Variants in MAGEC3 observed in about 807,000 individuals in gnomAD.
MAGEC3 encodes MAGE family member C3, also known as melanoma-associated antigen C3.
A neutral mutation model predicts 35.3 loss-of-function variants in MAGEC3; 34 were observed. That is an observed-to-expected ratio of 0.96 (90% confidence interval 0.73 to 1.28). The LOEUF is 1.28. Ranked by LOEUF, MAGEC3 falls within the 50% of genes most tolerant of loss-of-function variation. The probability of loss-of-function intolerance (pLI) is 0.00; values close to 1 mark genes in which losing one functional copy is unlikely to be tolerated. For synonymous variants in MAGEC3, 202 were observed against 185.6 expected (o/e 1.09, Z -0.72); for missense variants, 561 against 483.6 (o/e 1.16, Z -1.50).
intron 4 of MAGEC3, among the ~76,000 whole-genome samples, chrX:141,885,574 G>T (rs1258234344): frequency 1.0e-5 from 1 of 96,330 alleles, no homozygotes; most frequent in Non-Finnish European, 2.0e-5. Flanking sequence ...CTGAGGCAGA[G>T]AATTGCTTGA....
At chrX:141,882,888 A>G (rs921912391) in intron 4 of MAGEC3, among the ~76,000 whole-genome samples, 2 of 112,154 alleles carry the variant, frequency 1.8e-5, no homozygotes, top group Non-Finnish European at 3.8e-5. Context: ...CTTCAAGTAT[A>G]AAGTCCCTGA....
At chrX:141,869,367 G>A (rs186063769) in intron 2 of MAGEC3, among the ~76,000 whole-genome samples, 2 of 111,945 alleles carry the variant, frequency 1.8e-5, no homozygotes, top group African/African-American at 6.5e-5. Flanking sequence ...GAGGAACTAG[G>A]CAGAAAGAAA....
chrX:141,882,571 C>T (rs1424263915), intron 4 of MAGEC3, among the ~76,000 whole-genome samples: 1 of 111,957 alleles, frequency 8.9e-6, no homozygotes, highest in Non-Finnish European at 1.9e-5. Context: ...ATTTCCTTAT[C>T]CCGTTTATAC....
chrX:141,855,654 T>C (rs1289523506), intron 1 of MAGEC3, among the ~76,000 whole-genome samples: 1 of 111,876 alleles, frequency 8.9e-6, no homozygotes, highest in African/African-American at 3.2e-5. Context: ...AAGGTTCCAT[T>C]TTTAACCACG....
chrX:141,874,642 A>G (rs1188385381), intron 2 of MAGEC3, among the ~76,000 whole-genome samples: 2 of 111,299 alleles, frequency 1.8e-5, no homozygotes, highest in African/African-American at 6.6e-5. Flanking sequence ...GTAAAACAGG[A>G]TACCACTACA....
At chrX:141,863,494 A>T (rs1228813776) in intron 1 of MAGEC3, among the ~76,000 whole-genome samples, 2 of 112,136 alleles carry the variant, frequency 1.8e-5, no homozygotes, top group East Asian at 5.6e-4. Flanking sequence ...ATATATTAAC[A>T]TACATTCATC....
intron 1 of MAGEC3, among the ~76,000 whole-genome samples, chrX:141,848,123 A>T (rs1213257026): frequency 9.1e-6 from 1 of 109,943 alleles, no homozygotes; most frequent in Non-Finnish European, 1.9e-5. Context: ...ATGTATACAT[A>T]TGTATACACA....
chrX:141,863,891 T>C (rs1424773490), intron 1 of MAGEC3, among the ~76,000 whole-genome samples: 2 of 111,415 alleles, frequency 1.8e-5, no homozygotes, highest in Non-Finnish European at 3.8e-5. Flanking sequence ...ATAGCACTCG[T>C]TCGATGAAAG....
chrX:141,862,408 T>C (rs777781961), intron 1 of MAGEC3, among the ~76,000 whole-genome samples: 3 of 112,111 alleles, frequency 2.7e-5, no homozygotes, highest in East Asian at 5.7e-4. Context: ...AGAACTATCA[T>C]ATGATCCAGC....
At chrX:141,885,167 C>T (rs1314367533) in intron 4 of MAGEC3, among the ~76,000 whole-genome samples, 2 of 111,432 alleles carry the variant, frequency 1.8e-5, no homozygotes, top group South Asian at 3.8e-4. Flanking sequence ...CAGAGTATGA[C>T]CCCGTGAGGA....
chrX:141,867,702 T>C (rs2017858089), intron 2 of MAGEC3, among the ~76,000 whole-genome samples: 1 of 112,417 alleles, frequency 8.9e-6, no homozygotes, highest in Admixed American at 9.4e-5. Flanking sequence ...ATTTTCTGTC[T>C]GATATTTTAC....
chrX:141,852,496 CGTT>C (rs1357178433), intron 1 of MAGEC3, among the ~76,000 whole-genome samples: 2 of 110,461 alleles, frequency 1.8e-5, no homozygotes, highest in African/African-American at 6.6e-5. Flanking sequence ...TAGAAATGGT[CGTT>C]GTCTTGTTTT....
At chrX:141,846,724 G>A (rs2017719302) in intron 1 of MAGEC3, among the ~76,000 whole-genome samples, 1 of 111,124 alleles carries the variant, frequency 9.0e-6, no homozygotes, top group Non-Finnish European at 1.9e-5. Flanking sequence ...AGAAGAGTAA[G>A]AATGTAACTA....
chrX:141,842,294 A>G (rs756098687), intron 1 of MAGEC3, among the ~76,000 whole-genome samples: 3 of 112,008 alleles, frequency 2.7e-5, no homozygotes, highest in East Asian at 2.8e-4. Context: ...TTTTGTTTCA[A>G]TGATTTTGTT....
chrX:141,878,284 A>G (rs2017933255), intron 2 of MAGEC3, among the ~76,000 whole-genome samples: 1 of 112,297 alleles, frequency 8.9e-6, no homozygotes, highest in Admixed American at 9.4e-5. Flanking sequence ...TACCAACAAA[A>G]TTTGTCACTG....
At chrX:141,850,559 C>G (rs2868574) in intron 1 of MAGEC3, among the ~76,000 whole-genome samples, 54 of 109,154 alleles carry the variant, frequency 4.9e-4, no homozygotes, top group African/African-American at 1.7e-3. Flanking sequence ...TTCCATGGTT[C>G]AACAATACCC....
At chrX:141,864,422 T>C (rs868091265) in intron 1 of MAGEC3, among the ~76,000 whole-genome samples, 22 of 111,594 alleles carry the variant, frequency 2.0e-4, no homozygotes, top group African/African-American at 6.8e-4. Flanking sequence ...AGTAATGGTA[T>C]TTCTGAGTCA....
intron 2 of MAGEC3, among the ~76,000 whole-genome samples, chrX:141,868,849 T>TTTTA (rs1185305537): frequency 1.9e-5 from 2 of 103,925 alleles, no homozygotes; most frequent in African/African-American, 7.3e-5. Context: ...TTTTTAAAAT[T>TTTTA]TTTATTTTAT....
rs1366738996 is a variant in MAGEC3, at chrX:141,879,249, G to A, written c.333G>A (p.Lys111=). Reference sequence around the variant, plus strand: ...ATTTTGGGAGTCAGCCGGAGGGGAAGTTTTCTCTGAGGAGGGCAGTTTCAG... The same window carrying A: ...ATTTTGGGAGTCAGCCGGAGGGGAAATTTTCTCTGAGGAGGGCAGTTTCAG... ...DLHFGSQPEG[K]FSLRRAVSVK... The change falls in exon 3 of 8, where the codon AAG becomes AAA. Residue 111 remains lysine, a synonymous_variant. Coordinates refer to ENST00000298296, the MANE Select transcript of MAGEC3 (RefSeq NM_138702.1). The A allele has an allele frequency of 8.3e-7, 1 of 1,203,623 alleles. No individual in the cohort carries two copies. Among genetic ancestry groups the A allele is most frequent in the Admixed American group, 2.2e-5 (1 of 45,225 alleles).
Sources: gnomAD v4.1 joint callset for allele counts (sites outside exome capture counted in the v4.1 genomes callset) on GRCh38, gnomAD v4.1.1 for gene constraint, MANE v1.5 for transcripts, NCBI Gene and HGNC (gene_info 2026-07-23, HGNC 2026-07-21) for gene names.